LHFPL2: variants seen among roughly 807,000 people sequenced by gnomAD.
The protein encoded by LHFPL2 is LHFPL tetraspan subfamily member 2 protein.
A neutral mutation model predicts 17.5 loss-of-function variants in LHFPL2; 7 were observed. The observed-to-expected ratio is 0.40, with a 90% CI of 0.23 to 0.75. The LOEUF (loss-of-function observed/expected upper bound fraction) is 0.75. Among genes scored for constraint, LHFPL2 ranks in the 30% least tolerant of loss-of-function variants. LHFPL2 has a pLI of 0.37. For missense variants in LHFPL2, 241 were observed against 294.8 expected, an observed-to-expected ratio of 0.82 and a Z score of 1.34; for synonymous variants, 134 against 116.2, an observed-to-expected ratio of 1.15 and a Z score of -0.99.
chr5:78,520,830 C>T (rs374162639), intron 3 of LHFPL2, among the ~76,000 whole-genome samples: 5 of 136,918 alleles, frequency 3.7e-5, no homozygotes, highest in Middle Eastern at 3.6e-3. Context: ...ACAAATGAGG[C>T]CCCCCTGCCC....
At chr5:78,492,140 C>T (rs1357584261) in intron 4 of LHFPL2, among the ~76,000 whole-genome samples, 1 of 152,168 alleles carries the variant, frequency 6.6e-6, no homozygotes, top group East Asian at 1.9e-4. Flanking sequence ...CCTCCATGGG[C>T]CTTCTGTACA....
chr5:78,539,944 G>C (rs1385109597), intron 3 of LHFPL2, among the ~76,000 whole-genome samples: 1 of 151,836 alleles, frequency 6.6e-6, no homozygotes, highest in Non-Finnish European at 1.5e-5. Context: ...TGCTTGGTTA[G>C]GACCACACAG....
chr5:78,521,288 C>G (rs1755450439), intron 3 of LHFPL2, among the ~76,000 whole-genome samples: 1 of 152,220 alleles, frequency 6.6e-6, no homozygotes, highest in South Asian at 2.1e-4. Context: ...ATTCTCTCAT[C>G]AGTTATAAAT....
chr5:78,584,280 G>C (rs1238779340), intron 2 of LHFPL2, among the ~76,000 whole-genome samples: 1 of 152,156 alleles, frequency 6.6e-6, no homozygotes, highest in Non-Finnish European at 1.5e-5. Flanking sequence ...TCTTCTCTCA[G>C]CTCGTCAAAG....
rs144553373 is a variant in LHFPL2, at chr5:78,607,418, A to G, written c.-245+24846T>C. Among the ~76,000 whole-genome samples, 515 of 152,310 alleles carry G rather than the reference A, an allele frequency of 3.4e-3. 4 individuals carry two copies. Among genetic ancestry groups the G allele is most frequent in the African/African-American group, 0.012 (501 of 41,564 alleles). ...ATGAGCCACCACGCCCAGCCAATGT[A>G]GTGTATCTTCTACCATAGGTTTGTA... On this transcript the variant is annotated intron_variant, in intron 2 of 4. Transcript: ENST00000380345.
At chr5:78,588,798 AAG>A (rs1299956144) in intron 2 of LHFPL2, among the ~76,000 whole-genome samples, 3 of 152,222 alleles carry the variant, frequency 2.0e-5, no homozygotes, top group African/African-American at 7.2e-5. Context: ...AGTAACTGCA[AAG>A]AGAGCACTTA....
chr5:78,544,631 G>A (rs1372808874), intron 3 of LHFPL2, among the ~76,000 whole-genome samples: 1 of 152,090 alleles, frequency 6.6e-6, no homozygotes, highest in Non-Finnish European at 1.5e-5. Flanking sequence ...ATGCAGTGAC[G>A]GAGCCACAGC....
At chr5:78,582,944 G>T (rs1028334416) in intron 2 of LHFPL2, among the ~76,000 whole-genome samples, 2 of 152,168 alleles carry the variant, frequency 1.3e-5, no homozygotes, top group African/African-American at 4.8e-5. Flanking sequence ...GGTCACTCAG[G>T]ACTTGCTTTA....
At chr5:78,553,868 C>G (rs1280813698) in intron 3 of LHFPL2, among the ~76,000 whole-genome samples, 2 of 152,160 alleles carry the variant, frequency 1.3e-5, no homozygotes, top group Non-Finnish European at 2.9e-5. Context: ...AAATTTCAAC[C>G]CTACAAGGAG....
In LHFPL2 at chr5:78,644,377, C is replaced by G. The variant is rs114553513; in HGVS notation, c.-350+4122G>C. The G allele has an allele frequency of 3.4e-5, 33 of 978,624 alleles. No individual in the cohort carries two copies. The South Asian group carries it at 4.6e-4, about 14-fold the overall frequency. 60.6% of individuals were successfully genotyped at this position (978,624 alleles called of 1,614,324 possible). The stretch of plus-strand genomic sequence containing the variant: ...GGCTTTCCTTTAGCTCACTATGCAG[C>G]AATATCCTTTTCATATTTTTCCTTC... On this transcript the variant is annotated intron_variant, in intron 1 of 4. Coordinates refer to ENST00000380345, the MANE Select transcript of LHFPL2 (RefSeq NM_005779.3).
chr5:78,643,715 C>T (rs1745758630), intron 1 of LHFPL2, among the ~76,000 whole-genome samples: 1 of 152,168 alleles, frequency 6.6e-6, no homozygotes, highest in African/African-American at 2.4e-5. Flanking sequence ...TTTAAATTTA[C>T]ATGCCAGTTT....
At chr5:78,603,191 C>T (rs1380517853) in intron 2 of LHFPL2, among the ~76,000 whole-genome samples, 4 of 152,266 alleles carry the variant, frequency 2.6e-5, no homozygotes, top group Middle Eastern at 3.4e-3. Context: ...CATACCTAGC[C>T]GAGGTAGGTA....
In LHFPL2 at chr5:78,648,163, C is replaced by T. The variant is rs1414831065; in HGVS notation, c.-350+336G>A. ...GACCCACGCGCCGCCGTCCGAAGCC[C>T]GCCAGCGACGCCCAGAGAGCAGGGC... On this transcript the variant is annotated intron_variant, in intron 1 of 4. Transcript: ENST00000380345. The surrounding 1 kb of genome is among the most constrained non-coding windows in gnomAD (Gnocchi z 5.4). Among the ~76,000 whole-genome samples, 1 of 152,172 alleles carries T rather than the reference C, an allele frequency of 6.6e-6. No homozygotes were observed. Among genetic ancestry groups the T allele is most frequent in the African/African-American group, 2.4e-5 (1 of 41,462 alleles).
intron 3 of LHFPL2, among the ~76,000 whole-genome samples, chr5:78,557,259 A>C (rs966355817): frequency 1.1e-4 from 16 of 152,208 alleles, no homozygotes; most frequent in African/African-American, 3.9e-4. Context: ...GGTTTGCCCC[A>C]ATGACTTTCT....
intron 3 of LHFPL2, among the ~76,000 whole-genome samples, chr5:78,548,642 C>G (rs1009131564): frequency 2.6e-5 from 4 of 152,214 alleles, no homozygotes; most frequent in African/African-American, 9.7e-5. Context: ...AGGTAGCTGT[C>G]AGCCCTTGGA....
chr5:78,506,805 G>A (rs1292204550), intron 4 of LHFPL2, among the ~76,000 whole-genome samples: 3 of 152,224 alleles, frequency 2.0e-5, no homozygotes, highest in Admixed American at 6.5e-5. Flanking sequence ...TCTTAGATCA[G>A]TGGCTCCTAG....
At chr5:78,584,485 G>T (rs1470517265) in intron 2 of LHFPL2, among the ~76,000 whole-genome samples, 12 of 151,384 alleles carry the variant, frequency 7.9e-5, no homozygotes, top group South Asian at 4.2e-4. Flanking sequence ...TTCTGTTTGT[G>T]AGTTTTCCTT....
chr5:78,572,752 T>A (rs761639466), intron 2 of LHFPL2, among the ~76,000 whole-genome samples: 2 of 152,114 alleles, frequency 1.3e-5, no homozygotes, highest in Non-Finnish European at 2.9e-5. Flanking sequence ...TAATAGATAA[T>A]CCTGCATTAT....
chr5:78,638,987 C>G (rs776027130), intron 1 of LHFPL2, among the ~76,000 whole-genome samples: 2 of 152,170 alleles, frequency 1.3e-5, no homozygotes, highest in Non-Finnish European at 2.9e-5. Context: ...TTAAAACATT[C>G]AAGTTTTGTT....
Sources: gnomAD v4.1 joint callset for allele counts (sites outside exome capture counted in the v4.1 genomes callset) on GRCh38, gnomAD v4.1.1 for gene constraint, Gnocchi (gnomAD v3.1) non-coding constraint, MANE v1.5 for transcripts, NCBI Gene and HGNC (gene_info 2026-07-23, HGNC 2026-07-21) for gene names.